Variants in PLCZ1 observed in about 807,000 individuals in gnomAD.
PLCZ1 encodes phospholipase C zeta 1.
In PLCZ1, 64 loss-of-function variants were observed where a neutral mutation model predicts 76.8. The observed-to-expected ratio is 0.83, with a 90% CI of 0.68 to 1.03. PLCZ1 has a LOEUF of 1.03. Among genes scored for constraint, PLCZ1 ranks in the 50% least tolerant of loss-of-function variants. The pLI, the probability that PLCZ1 is intolerant of heterozygous loss-of-function variation, is 0.00. For synonymous variants in PLCZ1, 248 were observed against 230.8 expected (o/e 1.07, Z -0.68); for missense variants, 751 against 713.7 (o/e 1.05, Z -0.60).
chr12:18,734,633 G>A (rs1376543199), intron 3 of PLCZ1, among the ~76,000 whole-genome samples: 1 of 152,192 alleles, frequency 6.6e-6, no homozygotes, highest in Non-Finnish European at 1.5e-5. Context: ...TTACAGGCAT[G>A]AGCCACCACA....
rs576818054 is a variant in PLCZ1 at position 18,699,098 on chromosome 12, G to C, written c.1174+696C>G. Among the ~76,000 whole-genome samples, 364 of 152,202 alleles carry C rather than the reference G, an allele frequency of 2.4e-3. 1 individual carries two copies. Among genetic ancestry groups the C allele is most frequent in the Non-Finnish European group, 4.9e-3 (330 of 68,008 alleles). ...ACTGCCAAACAGAATAACCACCTCA[G>C]TTTTAGAATTAGAGGCAGTGAAAGG... On this transcript the variant is annotated intron_variant, in intron 10 of 14. Transcript: ENST00000266505.
At chr12:18,737,783 T>C (rs1959569424) in intron 1 of PLCZ1, 149 bp downstream of exon 1, 1 of 328,050 alleles carries the variant, frequency 3.0e-6, no homozygotes, top group Non-Finnish European at 5.8e-6. Context: ...CATCATAATA[T>C]GCTTCCAGTG....
intron 3 of PLCZ1, among the ~76,000 whole-genome samples, chr12:18,731,841 G>A (rs902170974): frequency 6.6e-6 from 1 of 151,920 alleles, no homozygotes; most frequent in Non-Finnish European, 1.5e-5. Flanking sequence ...TCCTAATTTT[G>A]TTAATGATCT....
the PLCZ1 span, among the ~76,000 whole-genome samples, chr12:18,676,225 T>C: frequency 6.6e-6 from 1 of 152,172 alleles, no homozygotes; most frequent in Non-Finnish European, 1.5e-5. Flanking sequence ...TCATGTTGTT[T>C]GACCTTTAGG....
At chr12:18,690,067 C>A (rs1382422898) in intron 12 of PLCZ1, among the ~76,000 whole-genome samples, 1 of 152,130 alleles carries the variant, frequency 6.6e-6, no homozygotes, top group African/African-American at 2.4e-5. Context: ...TGCCTTCCAC[C>A]TTCACTTTCT....
At chr12:18,662,867 G>A in the PLCZ1 span, among the ~76,000 whole-genome samples, 1 of 151,960 alleles carries the variant, frequency 6.6e-6, no homozygotes, top group African/African-American at 2.4e-5. Flanking sequence ...CAAAGGAAAT[G>A]AGAAAATACT....
At position 18,694,902 on chromosome 12, in the gene PLCZ1, A is replaced by C; in HGVS notation, c.1461+8T>G. 1 of 1,569,892 alleles carries C rather than the reference A, an allele frequency of 6.4e-7. No homozygotes were observed. The highest frequency in any genetic ancestry group is 2.3e-5 in the East Asian group (1 of 44,434). ...CAAAAAATGTAAAAGAAAATTTATT[A>C]ATCTTACCCTTATTGTAAGTGTAAT... is the stretch of plus-strand genomic sequence containing the variant. On this transcript the variant is annotated splice_region_variant and intron_variant, in intron 12 of 14. Transcript: ENST00000266505.
rs781298617 is a variant in PLCZ1, at chr12:18,723,370, G to C, written c.308C>G (p.Ala103Gly). ...AAAAGCAATAGCTTTACTCATCTCA[G>C]CTGCATATTGTTCTTGTGTCAGAAA... The part of the protein sequence containing the change: ...AQFLTQEQYA[A>G]EMSKAIAFEI... The change falls in exon 4 of 15, where the codon GCT (alanine) becomes GGT (glycine). Residue 103 changes from alanine (A) to glycine (G), a missense_variant. Ala to Gly is a moderately conservative substitution (Grantham distance 60, BLOSUM62 0). Transcript: ENST00000266505. 1 of 1,612,792 alleles carries C rather than the reference G, an allele frequency of 6.2e-7. No individual in the cohort carries two copies. Among genetic ancestry groups the C allele is most frequent in the African/African-American group, 1.3e-5 (1 of 74,854 alleles).
chr12:18,725,802 C>A (rs1042255391), intron 3 of PLCZ1, among the ~76,000 whole-genome samples: 1 of 151,878 alleles, frequency 6.6e-6, no homozygotes, highest in African/African-American at 2.4e-5. Context: ...TTTTTCTTTC[C>A]GGAATATCCT....
chr12:18,647,131 T>A, the PLCZ1 span, among the ~76,000 whole-genome samples: 1 of 152,138 alleles, frequency 6.6e-6, no homozygotes, highest in South Asian at 2.1e-4. Flanking sequence ...ATTTTCATAA[T>A]TAAAAATTAG....
downstream of PLCZ1, among the ~76,000 whole-genome samples, chr12:18,682,972 A>T (rs1162075633): frequency 6.6e-6 from 1 of 152,036 alleles, no homozygotes; most frequent in Non-Finnish European, 1.5e-5. Flanking sequence ...ATTAAAAATG[A>T]TACAAGCCAG....
chr12:18,700,560 C>T (rs1592111881), intron 9 of PLCZ1, among the ~76,000 whole-genome samples: 1 of 137,750 alleles, frequency 7.3e-6, no homozygotes, highest in African/African-American at 2.6e-5. Context: ...AAGAGATAGG[C>T]ATTCCACTGG....
intron 2 of PLCZ1, among the ~76,000 whole-genome samples, chr12:18,737,012 A>C (rs1417215456): frequency 6.6e-6 from 1 of 152,188 alleles, no homozygotes; most frequent in Non-Finnish European, 1.5e-5. Context: ...GGACACTTCC[A>C]TTTGAAAAAC....
At chr12:18,717,150 C>T (rs1392223910) in intron 5 of PLCZ1, among the ~76,000 whole-genome samples, 2 of 151,930 alleles carry the variant, frequency 1.3e-5, no homozygotes, top group African/African-American at 4.8e-5. Context: ...TGTAAATTTG[C>T]AGTTGGGTGA....
At chr12:18,736,097 TG>T in intron 3 of PLCZ1, 123 bp downstream of exon 3, 1 of 1,101,604 alleles carries the variant, frequency 9.1e-7, no homozygotes, top group Non-Finnish European at 1.3e-6. Flanking sequence ...CCATCTTGAT[TG>T]TAAATATAGT....
intron 12 of PLCZ1, 86 bp downstream of exon 12, chr12:18,694,824 C>T (rs987305069): frequency 1.3e-5 from 14 of 1,072,038 alleles, no homozygotes; most frequent in Non-Finnish European, 1.9e-5. Context: ...GAAATTGAAG[C>T]AAATCAGTGG....
intron 13 of PLCZ1, chr12:18,685,396 C>T (rs544321732): frequency 5.7e-6 from 1 of 175,836 alleles, no homozygotes; most frequent in African/African-American, 2.3e-5. Context: ...TTAATAAAGA[C>T]TCAAAGGTTT....
Position 18,696,322 on chromosome 12 carries a change from CTA to C in PLCZ1, c.1175-58_1175-57del, listed in dbSNP as rs71440372. On this transcript the variant is annotated intron_variant, in intron 10 of 14. Transcript: ENST00000266505. ...GAATTCAAATAAATTTAAAAAGCCA[CTA>C]TATATATATATATATATATATATAT... 641 of 267,688 alleles carry C rather than the reference CTA, an allele frequency of 2.4e-3. 29 individuals are homozygous for C. Among genetic ancestry groups the C allele is most frequent in the Middle Eastern group, 4.9e-3 (4 of 810 alleles). The allele number at this position is 267,688 out of a possible 1,614,324, so 16.6% of individuals were successfully genotyped here. A position where few individuals can be genotyped will look rare whatever the true frequency, so the allele number is the denominator to read the frequency against.
At chr12:18,715,706 A>G (rs1241944102) in intron 5 of PLCZ1, 2 of 152,166 alleles carry the variant, frequency 1.3e-5, no homozygotes, top group Non-Finnish European at 2.9e-5. Context: ...TGTCACCCAC[A>G]CTAAAGTGCA....
Sources: gnomAD v4.1 joint callset for allele counts (sites outside exome capture counted in the v4.1 genomes callset) on GRCh38, gnomAD v4.1.1 for gene constraint, MANE v1.5 for transcripts, NCBI Gene and HGNC (gene_info 2026-07-23, HGNC 2026-07-21) for gene names.